DNER: variants seen among roughly 807,000 people sequenced by gnomAD.
DNER encodes delta and Notch-like epidermal growth factor-related receptor.
DNER carries 33 observed loss-of-function variants against 78.2 expected under a neutral mutation model. That is an observed-to-expected ratio of 0.42 (90% CI 0.32 to 0.56). DNER has a LOEUF of 0.56. Among genes scored for constraint, DNER ranks in the 20% least tolerant of loss-of-function variants. The probability of loss-of-function intolerance (pLI) is 0.11; values close to 1 mark genes in which losing one functional copy is unlikely to be tolerated. For missense variants in DNER, 918 were observed against 975.3 expected, an observed-to-expected ratio of 0.94 and a Z score of 0.78; for synonymous variants, 417 against 384.8, an observed-to-expected ratio of 1.08 and a Z score of -0.98.
At chr2:229,452,067 T>G (rs1196565303) in intron 7 of DNER, among the ~76,000 whole-genome samples, 1 of 152,182 alleles carries the variant, frequency 6.6e-6, no homozygotes, top group Non-Finnish European at 1.5e-5. Flanking sequence ...AGGTCACGAC[T>G]GGTCTTATAT....
chr2:229,411,081 A>G (rs180846575), intron 9 of DNER, among the ~76,000 whole-genome samples: 11 of 152,330 alleles, frequency 7.2e-5, no homozygotes, highest in African/African-American at 2.6e-4. Context: ...AGCCCAAAGA[A>G]GGAAGAAACT....
chr2:229,631,059 T>C (rs1002945816), intron 1 of DNER, among the ~76,000 whole-genome samples: 1 of 152,238 alleles, frequency 6.6e-6, no homozygotes, highest in Admixed American at 6.5e-5. Flanking sequence ...CCTGGGTTGA[T>C]TGCATGTCTT....
At chr2:229,431,087 A>G (rs1234036405) in intron 8 of DNER, among the ~76,000 whole-genome samples, 27 of 152,142 alleles carry the variant, frequency 1.8e-4, no homozygotes, top group Non-Finnish European at 5.9e-5. Flanking sequence ...GATGTTAAAA[A>G]TTCTGTAACT....
intron 6 of DNER, among the ~76,000 whole-genome samples, chr2:229,504,999 C>T (rs1695705451): frequency 6.6e-6 from 1 of 152,152 alleles, no homozygotes. Context: ...TCCAGCCGTC[C>T]CTTTGCCTTC....
At chr2:229,398,367 C>G (rs1253202734) in intron 10 of DNER, among the ~76,000 whole-genome samples, 2 of 151,900 alleles carry the variant, frequency 1.3e-5, no homozygotes, top group African/African-American at 4.8e-5. Context: ...TAAAACTCCC[C>G]AAAAAGAAAT....
chr2:229,475,904 C>T (rs1009288642), intron 7 of DNER, among the ~76,000 whole-genome samples: 5 of 152,150 alleles, frequency 3.3e-5, no homozygotes, highest in African/African-American at 1.2e-4. Context: ...AGTTAGGTGG[C>T]GACTGACTAA....
chr2:229,575,800 G>A (rs555574034), intron 4 of DNER, among the ~76,000 whole-genome samples: 1 of 152,218 alleles, frequency 6.6e-6, no homozygotes, highest in Non-Finnish European at 1.5e-5. Context: ...TAGGATTAGG[G>A]CATATAGAAA....
chr2:229,694,657 G>A (rs1699634631), intron 1 of DNER, among the ~76,000 whole-genome samples: 1 of 152,202 alleles, frequency 6.6e-6, no homozygotes, highest in African/African-American at 2.4e-5. Context: ...GGGACTTGTA[G>A]CCCCTTTGTT....
intron 9 of DNER, among the ~76,000 whole-genome samples, chr2:229,415,106 G>C (rs186797124): frequency 1.3e-5 from 2 of 150,312 alleles, no homozygotes; most frequent in East Asian, 3.9e-4. Context: ...AGGTTGGTGT[G>C]AGCCGAGATC....
At chr2:229,477,382 C>A in intron 6 of DNER, 129 bp from the exon 7 acceptor site, 1 of 544,988 alleles carries the variant, frequency 1.8e-6, no homozygotes, top group Non-Finnish European at 3.2e-6. Flanking sequence ...CTAAGCTGCT[C>A]CTAGATCTCA....
intron 4 of DNER, among the ~76,000 whole-genome samples, chr2:229,568,242 T>C (rs767483682): frequency 1.3e-5 from 2 of 152,228 alleles, no homozygotes; most frequent in Non-Finnish European, 2.9e-5. Context: ...TTAGAGATGA[T>C]GTCTCACTAT....
chr2:229,683,417 C>T (rs1433770868), intron 1 of DNER, among the ~76,000 whole-genome samples: 4 of 152,028 alleles, frequency 2.6e-5, no homozygotes, highest in Admixed American at 2.6e-4. Flanking sequence ...TCATGAAGTC[C>T]ATAAATTGTG....
chr2:229,703,148 G>C (rs1699776352), intron 1 of DNER, among the ~76,000 whole-genome samples: 1 of 151,998 alleles, frequency 6.6e-6, no homozygotes, highest in African/African-American at 2.4e-5. Flanking sequence ...CTGATTTTAG[G>C]ACTTACTATA....
intron 1 of DNER, among the ~76,000 whole-genome samples, chr2:229,694,440 A>T (rs377319104): frequency 2.7e-4 from 38 of 141,132 alleles, no homozygotes; most frequent in African/African-American, 9.8e-4. Context: ...CGTGCCTGGA[A>T]AAACCACAGA....
intron 9 of DNER, among the ~76,000 whole-genome samples, chr2:229,414,439 G>C (rs138627848): frequency 1.3e-5 from 2 of 151,930 alleles, no homozygotes; most frequent in African/African-American, 2.4e-5. Flanking sequence ...GCTAATTTTC[G>C]TATTTTTAGT....
intron 5 of DNER, among the ~76,000 whole-genome samples, chr2:229,523,351 TTC>T (rs1400743611): frequency 6.6e-6 from 1 of 152,204 alleles, no homozygotes; most frequent in African/African-American, 2.4e-5. Flanking sequence ...ACAAGTTTCT[TTC>T]TCATCGCTCT....
chr2:229,434,932 ACACACACACACACACACGTG>A (rs1386161830), intron 8 of DNER, among the ~76,000 whole-genome samples: 1 of 151,260 alleles, frequency 6.6e-6, no homozygotes, highest in African/African-American at 2.4e-5. Flanking sequence ...ATATACACAC[ACACACACACACACACACGTG>A]CACACACACA....
intron 1 of DNER, among the ~76,000 whole-genome samples, chr2:229,691,785 T>C (rs551194002): frequency 6.6e-6 from 1 of 151,306 alleles, no homozygotes; most frequent in African/African-American, 2.4e-5. Flanking sequence ...AAACTTCCAG[T>C]GGTGGACACA....
chr2:229,453,407 T>C (rs1439746654), intron 7 of DNER, among the ~76,000 whole-genome samples: 1 of 152,174 alleles, frequency 6.6e-6, no homozygotes, highest in Admixed American at 6.5e-5. Context: ...AGTTGTTCAA[T>C]AGTCATTAAA....
Sources: allele counts gnomAD v4.1 joint callset (sites outside exome capture counted in the v4.1 genomes callset), GRCh38; gene constraint gnomAD v4.1.1; transcripts MANE v1.5; gene names NCBI Gene and HGNC (gene_info 2026-07-23, HGNC 2026-07-21).